Variants in KIDINS220 observed in about 807,000 individuals in gnomAD.
KIDINS220 encodes the protein kinase D-interacting substrate of 220 kDa.
KIDINS220 carries 63 observed loss-of-function variants against 157.6 expected under a neutral mutation model. That is an observed-to-expected ratio of 0.40 (90% CI 0.33 to 0.49). The LOEUF (loss-of-function observed/expected upper bound fraction) is 0.49, where lower values mean the gene tolerates loss of function less well. Among genes scored for constraint, KIDINS220 ranks in the 20% least tolerant of loss-of-function variants. The probability of loss-of-function intolerance (pLI) is 0.66; values close to 1 mark genes in which losing one functional copy is unlikely to be tolerated. For missense variants in KIDINS220, 1,772 were observed against 2,171.2 expected (o/e 0.82, Z 3.65); for synonymous variants, 732 against 783.6 (o/e 0.93, Z 1.10).
rs958976446 is a variant in KIDINS220, at chr2:8,729,450, TTA to T, written c.*1268_*1269del. 5.1e-6 allele frequency: 5 copies of T among 985,344 alleles called. No homozygotes were observed. In the African/African-American group the frequency reaches 8.7e-5, roughly 17 times the overall value. The allele number at this position is 985,344 out of a possible 1,614,324, so 61.0% of individuals were successfully genotyped here. The stretch of plus-strand genomic sequence containing the variant: ...ATTCATTCTACATAAATGAGCTATG[TTA>T]AAACGATAACAATATTTCATTGCAT... On this transcript the variant is annotated 3_prime_UTR_variant, in exon 30 of 30. Coordinates refer to ENST00000256707, the MANE Select transcript of KIDINS220 (RefSeq NM_020738.4).
At chr2:8,798,957 T>G (rs1284563016) in intron 9 of KIDINS220, among the ~76,000 whole-genome samples, 1 of 152,176 alleles carries the variant, frequency 6.6e-6, no homozygotes, top group Non-Finnish European at 1.5e-5. Flanking sequence ...AGTGGCAATG[T>G]GATTTTAACC....
intron 2 of KIDINS220, 116 bp downstream of exon 2, chr2:8,826,870 C>T (rs1440904560): frequency 4.0e-6 from 2 of 499,294 alleles, no homozygotes; most frequent in African/African-American, 1.9e-5. Context: ...ATCATAAGTA[C>T]AGTGCAGTAT....
chr2:8,727,463 T>G (rs752279734), downstream of KIDINS220, among the ~76,000 whole-genome samples: 1 of 152,232 alleles, frequency 6.6e-6, no homozygotes, highest in African/African-American at 2.4e-5. Context: ...AATTCAGAGA[T>G]TCCTGGATTT....
In KIDINS220 at chr2:8,793,973, G is replaced by C; in HGVS notation, c.1113C>G (p.Pro371=). ...VSAVDKKGDT[P]LHIAIRGRSR... ...TCCTTCCACGAATAGCAATATGCAAGGGAGTATCTCCTTTCTGTAAAATAA... is the reference window on the plus strand; with the variant it reads ...TCCTTCCACGAATAGCAATATGCAACGGAGTATCTCCTTTCTGTAAAATAA... Residue 371 remains proline, a synonymous_variant, in exon 12 of 30, where the codon CCC becomes CCG. Transcript: ENST00000256707. 2 of 1,609,116 alleles carry C rather than the reference G, an allele frequency of 1.2e-6. No homozygotes were observed. The highest frequency in any genetic ancestry group is 2.7e-5 in the African/African-American group (2 of 74,642).
chr2:8,733,653 G>A lies in KIDINS220; in HGVS notation c.3844C>T (p.His1282Tyr), dbSNP rs1558307446. 6.3e-7 allele frequency: 1 copy of A among 1,584,234 alleles called. No individual in the cohort carries two copies. Among genetic ancestry groups the A allele is most frequent in the Admixed American group, 1.8e-5 (1 of 56,432 alleles). Residue 1282 changes from histidine to tyrosine, a missense_variant, in exon 29 of 30, where the codon CAC becomes TAC. Physicochemically the swap from His to Tyr is moderately conservative, Grantham distance 83 (BLOSUM62 2). This residue lies in a region of KIDINS220 where 793 missense variants were observed against 885.5 expected (regional missense o/e 0.90). Transcript: ENST00000256707. ...AAACGTGGGTCTTCAGGGACCACGT[G>A]GCTTTCTGCGTTTCTCATTTCTAGT... ...TVLEMRNAES[H>Y]VVPEDPRFLS...
At chr2:8,780,967 C>A (rs1014839041) in intron 17 of KIDINS220, among the ~76,000 whole-genome samples, 9 of 151,178 alleles carry the variant, frequency 6.0e-5, no homozygotes, top group Non-Finnish European at 1.3e-4. Flanking sequence ...CGTCAGTGTT[C>A]TAAAGATATC....
chr2:8,783,871 A>G (rs750861312), intron 17 of KIDINS220, among the ~76,000 whole-genome samples: 7 of 152,314 alleles, frequency 4.6e-5, no homozygotes, highest in South Asian at 4.1e-4. Flanking sequence ...TACTTGACCT[A>G]AAGATTTAAC....
At chr2:8,724,062 T>C (rs1010791555), downstream of KIDINS220, 1 of 152,286 alleles carries the variant, frequency 6.6e-6, no homozygotes, top group Non-Finnish European at 1.5e-5. This position sits in a 1 kb window ranked among gnomAD's most constrained non-coding sequence, Gnocchi z 4.6. Context: ...GGATTACAAG[T>C]GCATGCCACC....
At chr2:8,727,043 A>G (rs978506075), downstream of KIDINS220, 6 of 1,016,012 alleles carry the variant, frequency 5.9e-6, no homozygotes, top group African/African-American at 1.0e-4. Flanking sequence ...CATTAAAAAA[A>G]CTATCCAGTG....
chr2:8,800,247 G>T, intron 9 of KIDINS220, 153 bp downstream of exon 9: 2 of 503,436 alleles, frequency 4.0e-6, no homozygotes, highest in Non-Finnish European at 7.0e-6. Context: ...TTACAATAAT[G>T]GCAGTGAAAC....
At chr2:8,727,020 C>T, downstream of KIDINS220, 1 of 1,101,320 alleles carries the variant, frequency 9.1e-7, no homozygotes, top group Non-Finnish European at 1.2e-6. Flanking sequence ...GATTCTCAAC[C>T]TTTGTGATAA....
chr2:8,735,149 G>A (rs542394548), intron 27 of KIDINS220, among the ~76,000 whole-genome samples: 2 of 152,274 alleles, frequency 1.3e-5, no homozygotes, highest in South Asian at 2.1e-4. Context: ...CACTAACAAC[G>A]TTCTAAATGA....
chr2:8,812,527 T>C (rs760761191), intron 5 of KIDINS220, 34 bp from the exon 6 acceptor site: 1 of 1,260,410 alleles, frequency 7.9e-7, no homozygotes, highest in Non-Finnish European at 1.1e-6. Flanking sequence ...GGTAGGTAGA[T>C]AAGTAGGAAG....
At chr2:8,725,083 A>G (rs1421878346), downstream of KIDINS220, 1 of 152,168 alleles carries the variant, frequency 6.6e-6, no homozygotes, top group Non-Finnish European at 1.5e-5. Context: ...TGACAACCTA[A>G]AAAAAACTTA....
At chr2:8,771,969 A>G (rs569482905) in intron 21 of KIDINS220, among the ~76,000 whole-genome samples, 1 of 152,302 alleles carries the variant, frequency 6.6e-6, no homozygotes, top group East Asian at 1.9e-4. Flanking sequence ...ACTACTAAAA[A>G]GAAAAAGACA....
intron 6 of KIDINS220, among the ~76,000 whole-genome samples, chr2:8,811,652 A>G (rs1259300111): frequency 6.6e-6 from 1 of 152,244 alleles, no homozygotes; most frequent in Non-Finnish European, 1.5e-5. Flanking sequence ...GGCTGAAGCC[A>G]AACTGAGAAG....
intron 2 of KIDINS220, among the ~76,000 whole-genome samples, chr2:8,821,262 AT>A (rs1457575065): frequency 1.3e-5 from 2 of 151,972 alleles, no homozygotes; most frequent in African/African-American, 4.8e-5. Context: ...TAGAATTGTC[AT>A]TATTTTCTCT....
At chr2:8,821,694 T>G (rs759209589) in intron 2 of KIDINS220, among the ~76,000 whole-genome samples, 1 of 152,204 alleles carries the variant, frequency 6.6e-6, no homozygotes, top group Non-Finnish European at 1.5e-5. Flanking sequence ...AATTCTTAAC[T>G]GATGCACCTT....
intron 3 of KIDINS220, 36 bp from the exon 4 acceptor site, chr2:8,817,752 C>G (rs774122623): frequency 7.2e-7 from 1 of 1,380,798 alleles, no homozygotes; most frequent in South Asian, 1.3e-5. Context: ...CATTTTCAAA[C>G]CAAAAATAAC....
Sources: allele counts gnomAD v4.1 joint callset (sites outside exome capture counted in the v4.1 genomes callset), GRCh38; gene constraint gnomAD v4.1.1; regional missense constraint gnomAD v4.1.1; non-coding constraint Gnocchi (gnomAD v3.1); transcripts MANE v1.5; gene names NCBI Gene and HGNC (gene_info 2026-07-23, HGNC 2026-07-21).